Variants in GARIN5A observed in about 807,000 individuals in gnomAD.
GARIN5A encodes golgi associated RAB2 interactor 5A.
the GARIN5A span, among the ~76,000 whole-genome samples, chr19:50,471,952 A>ATGTG: frequency 1.4e-5 from 2 of 142,822 alleles, no homozygotes; most frequent in African/African-American, 5.5e-5. Flanking sequence ...GTATATATAC[A>ATGTG]TGTATGTATG....
chr19:50,471,713 T>C, the GARIN5A span, among the ~76,000 whole-genome samples: 1 of 150,584 alleles, frequency 6.6e-6, no homozygotes, highest in African/African-American at 2.4e-5. Context: ...TGCACGTGTG[T>C]GTATACGCAT....
the GARIN5A span, among the ~76,000 whole-genome samples, chr19:50,472,366 C>T: frequency 1.4e-4 from 21 of 151,648 alleles, no homozygotes; most frequent in Admixed American, 2.6e-4. Flanking sequence ...TAGCTCAGGG[C>T]TGGAAGTTGG....
the GARIN5A span, among the ~76,000 whole-genome samples, chr19:50,470,657 G>A: frequency 7.5e-6 from 1 of 133,972 alleles, no homozygotes; most frequent in East Asian, 2.2e-4. Context: ...GGCTACTGCT[G>A]TTTTTTTTTT....
At chr19:50,472,088 ATATGTATATGTATATATACGTG>A in the GARIN5A span, among the ~76,000 whole-genome samples, 72 of 90,996 alleles carry the variant, frequency 7.9e-4, 1 homozygote, top group African/African-American at 3.1e-3. Flanking sequence ...ACATGTGTGT[ATATGTATATGTATATATACGTG>A]TGTATATGTA....
chr19:50,469,434 C>A, the GARIN5A span, among the ~76,000 whole-genome samples: 2 of 152,180 alleles, frequency 1.3e-5, no homozygotes, highest in African/African-American at 4.8e-5. Context: ...CAAATGGCCA[C>A]CTGTTCCCTC....
chr19:50,475,533 G>C, the GARIN5A span: 1 of 1,378,918 alleles, frequency 7.3e-7, no homozygotes. Context: ...TAGGAATCTT[G>C]GTAGGGGAAA....
the GARIN5A span, among the ~76,000 whole-genome samples, chr19:50,470,345 C>G: frequency 6.6e-6 from 1 of 152,150 alleles, no homozygotes; most frequent in African/African-American, 2.4e-5. Flanking sequence ...AAAACCCTGT[C>G]TCTACTAAAA....
chr19:50,467,784 G>A, the GARIN5A span: 1 of 1,612,778 alleles, frequency 6.2e-7, no homozygotes. Flanking sequence ...GCTGACACCG[G>A]CTTTTGTCGT....
the GARIN5A span, chr19:50,475,216 T>C: frequency 1.4e-6 from 2 of 1,430,722 alleles, no homozygotes; most frequent in South Asian, 1.5e-5. Flanking sequence ...CCGGTAGCAC[T>C]GCCAGCTCCT....
chr19:50,474,843 C>G, the GARIN5A span, among the ~76,000 whole-genome samples: 1 of 152,122 alleles, frequency 6.6e-6, no homozygotes, highest in Non-Finnish European at 1.5e-5. Flanking sequence ...GAGTGAGGCA[C>G]AGGAGGGCTC....
chr19:50,475,252 G>T, the GARIN5A span: 1 of 1,504,792 alleles, frequency 6.6e-7, no homozygotes, highest in Admixed American at 2.0e-5. Context: ...CTGGACGAGG[G>T]GAGGTACTGC....
the GARIN5A span, among the ~76,000 whole-genome samples, chr19:50,467,143 A>G: frequency 6.6e-6 from 1 of 152,120 alleles, no homozygotes; most frequent in African/African-American, 2.4e-5. Context: ...AAGGCCCTAC[A>G]GAGAACTGGA....
the GARIN5A span, chr19:50,475,412 A>G: frequency 1.1e-5 from 18 of 1,610,022 alleles, no homozygotes; most frequent in Admixed American, 3.0e-4. Context: ...GGAGGCTGCC[A>G]CCCCCATGGT....
the GARIN5A span, chr19:50,476,226 G>A: frequency 1.7e-5 from 27 of 1,613,544 alleles, no homozygotes; most frequent in South Asian, 2.9e-4. Context: ...GACGGGAGCG[G>A]ACGGAGGAGC....
At chr19:50,476,519 C>T in the GARIN5A span, 15 of 1,569,354 alleles carry the variant, frequency 9.6e-6, no homozygotes, top group East Asian at 9.4e-5. Context: ...TCACAGCCGT[C>T]CCTTCGCTGG....
chr19:50,467,517 G>T, the GARIN5A span: 1 of 1,332,892 alleles, frequency 7.5e-7, no homozygotes. Flanking sequence ...CCTCCCCTCT[G>T]CCCTCTGCTG....
the GARIN5A span, among the ~76,000 whole-genome samples, chr19:50,471,934 G>A: frequency 6.7e-6 from 1 of 149,800 alleles, no homozygotes; most frequent in Non-Finnish European, 1.5e-5. Context: ...ATACATGTAT[G>A]TGTGTAAGTA....
chr19:50,474,675 C>G, the GARIN5A span, among the ~76,000 whole-genome samples: 1 of 151,848 alleles, frequency 6.6e-6, no homozygotes, highest in Non-Finnish European at 1.5e-5. Context: ...CTGGTAGAGA[C>G]AGGGTTTTGC....
chr19:50,476,603 C>T, the GARIN5A span: 1 of 1,568,676 alleles, frequency 6.4e-7, no homozygotes, highest in African/African-American at 1.4e-5. Context: ...ATGGCGGTAG[C>T]AGCGCCCAGT....
Sources: allele counts gnomAD v4.1 joint callset (sites outside exome capture counted in the v4.1 genomes callset), GRCh38; gene constraint gnomAD v4.1.1; transcripts MANE v1.5; gene names NCBI Gene and HGNC (gene_info 2026-07-23, HGNC 2026-07-21).